The following ARHGAP42 variants were observed in gnomAD, a reference collection of about 807,000 sequenced individuals.
ARHGAP42 encodes Rho GTPase activating protein 42.
In ARHGAP42, 63 loss-of-function variants were observed where a neutral mutation model predicts 125.0. The observed-to-expected ratio is 0.50, with a 90% confidence interval of 0.41 to 0.62. The LOEUF is 0.62. ARHGAP42 is among the 20% of genes least tolerant of loss of function. The probability of loss-of-function intolerance (pLI) is 0.00; values close to 1 mark genes in which losing one functional copy is unlikely to be tolerated. For missense variants in ARHGAP42, 766 were observed against 1,024.2 expected, an observed-to-expected ratio of 0.75 and a Z score of 3.44; for synonymous variants, 339 against 351.0, an observed-to-expected ratio of 0.97 and a Z score of 0.38.
At chr11:100,850,247 A>G (rs1476682608) in intron 3 of ARHGAP42, among the ~76,000 whole-genome samples, 1 of 152,186 alleles carries the variant, frequency 6.6e-6, no homozygotes, top group African/African-American at 2.4e-5. Flanking sequence ...TAGAAATTAG[A>G]AAATATGAAA....
At chr11:100,860,965 A>G (rs946780191) in intron 4 of ARHGAP42, among the ~76,000 whole-genome samples, 1 of 152,200 alleles carries the variant, frequency 6.6e-6, no homozygotes, top group Admixed American at 6.5e-5. Context: ...TGTAGCTGTA[A>G]ACAAGTCAGA....
chr11:100,824,859 G>T (rs955023698), intron 3 of ARHGAP42, among the ~76,000 whole-genome samples: 2 of 152,018 alleles, frequency 1.3e-5, no homozygotes, highest in African/African-American at 2.4e-5. Flanking sequence ...TTCCTTACTG[G>T]TTTCTTTCCC....
At chr11:100,875,127 G>C (rs1424005366) in intron 4 of ARHGAP42, among the ~76,000 whole-genome samples, 5 of 121,534 alleles carry the variant, frequency 4.1e-5, no homozygotes, top group Admixed American at 7.7e-5. Flanking sequence ...GTGTGTGTGT[G>C]TGTGTGTGTG....
chr11:100,936,255 G>T lies in ARHGAP42; in HGVS notation c.755G>T (p.Arg252Met). ...TRQEVERLMQ[R>M]MKSANQDYRP... Reference sequence around the variant, plus strand: ...CAAGAGGTAGAGCGGTTGATGCAAAGGATGAAATCTGCTAACCAGGACTAC... The same window carrying T: ...CAAGAGGTAGAGCGGTTGATGCAAATGATGAAATCTGCTAACCAGGACTAC... Residue 252 changes from arginine (R) to methionine (M), a missense_variant, in exon 8 of 24, where the codon AGG becomes ATG. Physicochemically the swap from Arg to Met is moderately conservative, Grantham distance 91 (BLOSUM62 -1). Around this residue, in one of 3 missense-constraint regions of ARHGAP42, gnomAD observed 455 missense variants for 636.5 expected, o/e 0.71. Transcript: ENST00000298815. The T allele has an allele frequency of 6.4e-7, 1 of 1,551,752 alleles. No individual in the cohort carries two copies. Among genetic ancestry groups the T allele is most frequent in the Admixed American group, 2.0e-5 (1 of 51,002 alleles).
chr11:100,906,098 T>C (rs982078248), intron 4 of ARHGAP42, among the ~76,000 whole-genome samples: 2 of 152,208 alleles, frequency 1.3e-5, no homozygotes, highest in Non-Finnish European at 2.9e-5. Flanking sequence ...TGGAAGATCA[T>C]ATTACCATGA....
intron 4 of ARHGAP42, among the ~76,000 whole-genome samples, chr11:100,865,443 C>A (rs554967673): frequency 7.0e-4 from 107 of 152,250 alleles, no homozygotes; most frequent in African/African-American, 2.3e-3. Context: ...TGAAAACAAG[C>A]AGCTTTCCAG....
At chr11:100,732,326 G>A (rs1861974259) in intron 1 of ARHGAP42, among the ~76,000 whole-genome samples, 1 of 152,158 alleles carries the variant, frequency 6.6e-6, no homozygotes, top group African/African-American at 2.4e-5. Context: ...GTTTGCTGCT[G>A]AATCCTCAGT....
At chr11:100,941,275 A>G (rs994184008) in intron 8 of ARHGAP42, among the ~76,000 whole-genome samples, 4 of 152,288 alleles carry the variant, frequency 2.6e-5, no homozygotes, top group Admixed American at 2.0e-4. Flanking sequence ...AGAATGTGGG[A>G]GGCCACTCAC....
At chr11:100,969,574 A>G (rs80222126) in intron 17 of ARHGAP42, among the ~76,000 whole-genome samples, 3,616 of 152,078 alleles carry the variant, frequency 0.024, 58 homozygotes, top group Non-Finnish European at 0.033. Context: ...CTCAGATTGC[A>G]TAGTCTCTAT....
chr11:100,899,473 G>A lies in ARHGAP42; in HGVS notation c.385-13979G>A, dbSNP rs971234432. On this transcript the variant is annotated intron_variant, in intron 4 of 23. Transcript: ENST00000298815. ...AATCTCCCATTATTTTTGTGTGGGA[G>A]TCTAAGTCTCTTTGTAGGTCTTTAA... Among the ~76,000 whole-genome samples the A allele has an allele frequency of 6.6e-5, 10 of 152,274 alleles. No individual in the cohort carries two copies. In the East Asian group the frequency reaches 1.7e-3, roughly 26 times the overall value.
At chr11:100,834,713 A>G (rs546996993) in intron 3 of ARHGAP42, among the ~76,000 whole-genome samples, 3 of 152,182 alleles carry the variant, frequency 2.0e-5, no homozygotes, top group East Asian at 1.9e-4. Context: ...ACTGTAGCCA[A>G]AAAAAGAATA....
intron 4 of ARHGAP42, among the ~76,000 whole-genome samples, chr11:100,903,709 A>AAAAAAAATATATAT (rs1332890022): frequency 2.4e-4 from 15 of 63,504 alleles, no homozygotes; most frequent in African/African-American, 4.8e-4. Context: ...TGTCCCTCAA[A>AAAAAAAATATATAT]ATATATATAT....
chr11:100,989,758 AG>A lies in ARHGAP42; in HGVS notation c.*958del, dbSNP rs1487794409. 2.0e-5 allele frequency: 3 copies of A among 152,356 alleles called. No homozygotes were observed. The highest frequency in any genetic ancestry group is 1.9e-4 in the East Asian group (1 of 5,192). The allele number at this position is 152,356 out of a possible 1,614,324, so 9.4% of individuals were successfully genotyped here. ...CACTTGGAAGATTGTAAAGTGTCAA[AG>A]TATTTTAATGATAATTTAATTTGGG... On this transcript the variant is annotated 3_prime_UTR_variant, in exon 24 of 24. Transcript: ENST00000298815.
chr11:100,766,666 C>G (rs1024732548), intron 1 of ARHGAP42, among the ~76,000 whole-genome samples: 1 of 152,130 alleles, frequency 6.6e-6, no homozygotes, highest in African/African-American at 2.4e-5. Context: ...AAAGCATGAG[C>G]TGGATTCCTC....
chr11:100,750,137 TAA>T (rs1282005651), intron 1 of ARHGAP42, among the ~76,000 whole-genome samples: 1 of 152,024 alleles, frequency 6.6e-6, no homozygotes, highest in Non-Finnish European at 1.5e-5. Context: ...CAAATTGTTA[TAA>T]ATAAAGTTTT....
At chr11:100,779,507 CGT>C (rs1863226405) in intron 2 of ARHGAP42, among the ~76,000 whole-genome samples, 1 of 127,460 alleles carries the variant, frequency 7.8e-6, no homozygotes, top group Non-Finnish European at 1.7e-5. Flanking sequence ...CATATATACA[CGT>C]ATATATATAC....
At position 100,856,081 on chromosome 11, in the gene ARHGAP42, G is replaced by C. The variant is rs577677481; in HGVS notation, c.313-3473G>C. ...GATACTGTGGGATCCTGAATCTCCT[G>C]AACTCTGACTTGATTTTTCCCCCAA... On this transcript the variant is annotated intron_variant, in intron 3 of 23. Coordinates refer to ENST00000298815, the MANE Select transcript of ARHGAP42 (RefSeq NM_152432.4). Among the ~76,000 whole-genome samples the C allele has an allele frequency of 2.0e-5, 3 of 152,102 alleles. No homozygotes were observed. The South Asian group carries it at 6.2e-4, about 32-fold the overall frequency.
chr11:100,843,782 C>G (rs1864996163), intron 3 of ARHGAP42, among the ~76,000 whole-genome samples: 1 of 152,034 alleles, frequency 6.6e-6, no homozygotes, highest in African/African-American at 2.4e-5. Context: ...GCAAAAACTG[C>G]TGAAAGAAGT....
intron 6 of ARHGAP42, among the ~76,000 whole-genome samples, chr11:100,925,212 G>T (rs939562498): frequency 6.6e-6 from 1 of 151,852 alleles, no homozygotes; most frequent in Non-Finnish European, 1.5e-5. Flanking sequence ...AGGGATTATA[G>T]CTCACTGTTG....
Sources: allele counts gnomAD v4.1 joint callset (sites outside exome capture counted in the v4.1 genomes callset), GRCh38; gene constraint gnomAD v4.1.1; regional missense constraint gnomAD v4.1.1; transcripts MANE v1.5; gene names NCBI Gene and HGNC (gene_info 2026-07-23, HGNC 2026-07-21).